The following EFL1 variants were observed in gnomAD, a reference collection of about 807,000 sequenced individuals.
EFL1 encodes the protein elongation factor-like GTPase 1.
Under a neutral mutation model 126.7 loss-of-function variants are expected in EFL1, and 76 were observed. The observed-to-expected ratio is 0.60, with a 90% confidence interval of 0.50 to 0.73. The LOEUF is 0.73. EFL1 is among the 30% of genes least tolerant of loss of function. The pLI is 0.00. For synonymous variants in EFL1, 410 were observed against 448.4 expected, an observed-to-expected ratio of 0.91 and a Z score of 1.08; for missense variants, 1,128 against 1,343.2, an observed-to-expected ratio of 0.84 and a Z score of 2.50.
In EFL1 at chr15:82,152,423, C is replaced by T. The variant is rs373644493; in HGVS notation, c.2031G>A (p.Arg677=). ...ATACACTGATATGAATCTTTGCAAA[C>T]CTACAGACAAATTCAAGAGAAATAA... ...LQRCLDDLKE[R]FAKIHISVSE... is the part of the protein sequence containing the mutation. Residue 677 remains arginine, a splice_region_variant and synonymous_variant, in exon 18 of 20, where the codon AGG becomes AGA. Coordinates refer to ENST00000268206, the MANE Select transcript of EFL1 (RefSeq NM_024580.6). 3 of 1,591,728 alleles carry T rather than the reference C, an allele frequency of 1.9e-6. No homozygotes were observed. The highest frequency in any genetic ancestry group is 2.3e-5 in the South Asian group (2 of 87,474).
At chr15:82,235,405 C>T (rs1177083682) in intron 7 of EFL1, among the ~76,000 whole-genome samples, 1 of 152,006 alleles carries the variant, frequency 6.6e-6, no homozygotes, top group African/African-American at 2.4e-5. Flanking sequence ...AAACAAAAAA[C>T]TGACATGAAA....
At chr15:82,228,828 G>A (rs2074791340) in intron 9 of EFL1, among the ~76,000 whole-genome samples, 1 of 152,000 alleles carries the variant, frequency 6.6e-6, no homozygotes, top group Non-Finnish European at 1.5e-5. Context: ...ATAAAATATT[G>A]CTATCCTGTC....
chr15:82,148,260 C>A (rs946817484), intron 18 of EFL1, among the ~76,000 whole-genome samples: 1 of 151,846 alleles, frequency 6.6e-6, no homozygotes. Flanking sequence ...CGCCTGTAGT[C>A]CCAGCTATTC....
rs763027821 is a variant in EFL1, at chr15:82,246,103, T to C, written c.245-4700A>G. ...TAGACCACGTACAGACCACTTCTGATTACATTTGGCCTCACCCGCTTTTGG... is the reference window on the plus strand; with the variant it reads ...TAGACCACGTACAGACCACTTCTGACTACATTTGGCCTCACCCGCTTTTGG... On this transcript the variant is annotated intron_variant, in intron 4 of 19. Transcript: ENST00000268206. Among the ~76,000 whole-genome samples the C allele has an allele frequency of 2.0e-4, 30 of 152,190 alleles. 1 individual carries two copies. The highest frequency in any genetic ancestry group is 1.3e-4 in the Admixed American group (2 of 15,294).
At chr15:82,261,984 A>T (rs2075126647) in intron 1 of EFL1, 187 bp from the exon 2 acceptor site, 1 of 527,850 alleles carries the variant, frequency 1.9e-6, no homozygotes, top group Non-Finnish European at 3.4e-6. Context: ...TCAGTATCCT[A>T]CCACGATTAC....
chr15:82,212,088 T>A (rs112125324), intron 15 of EFL1, among the ~76,000 whole-genome samples: 1 of 152,168 alleles, frequency 6.6e-6, no homozygotes, highest in African/African-American at 2.4e-5. Flanking sequence ...CCACCTAGGA[T>A]GTCAACCTGC....
intron 7 of EFL1, among the ~76,000 whole-genome samples, chr15:82,235,847 T>G (rs2074867389): frequency 6.6e-6 from 1 of 152,026 alleles, no homozygotes; most frequent in Non-Finnish European, 1.5e-5. Context: ...TTCTAGCCAG[T>G]GCAATCAGCA....
intron 9 of EFL1, among the ~76,000 whole-genome samples, 154 bp downstream of exon 9, chr15:82,228,880 A>C (rs2074791890): frequency 6.6e-6 from 1 of 152,312 alleles, no homozygotes; most frequent in African/African-American, 2.4e-5. Context: ...AGGCTTCTTT[A>C]AATTGCTTCC....
chr15:82,170,346 C>A (rs2074122343), intron 15 of EFL1, among the ~76,000 whole-genome samples: 1 of 151,814 alleles, frequency 6.6e-6, no homozygotes, highest in Admixed American at 6.6e-5. Context: ...GATCTCCTGA[C>A]CTCGTGATCC....
At chr15:82,207,590 G>C (rs1311446620) in intron 15 of EFL1, among the ~76,000 whole-genome samples, 1 of 151,850 alleles carries the variant, frequency 6.6e-6, no homozygotes, top group Non-Finnish European at 1.5e-5. Context: ...TTTATGTTGT[G>C]TTTTCTTACC....
At chr15:82,159,087 G>C (rs567663519) in intron 16 of EFL1, among the ~76,000 whole-genome samples, 27 of 152,312 alleles carry the variant, frequency 1.8e-4, no homozygotes, top group African/African-American at 6.3e-4. Context: ...AAGACGGAAA[G>C]TGGGATTTCA....
chr15:82,251,237 A>G (rs1410893263), intron 4 of EFL1, among the ~76,000 whole-genome samples: 2 of 152,152 alleles, frequency 1.3e-5, no homozygotes, highest in Non-Finnish European at 2.9e-5. Flanking sequence ...AAGCGTACCT[A>G]AAACAATCTG....
At chr15:82,140,785 A>G (rs899927736) in intron 18 of EFL1, among the ~76,000 whole-genome samples, 1 of 152,236 alleles carries the variant, frequency 6.6e-6, no homozygotes, top group Non-Finnish European at 1.5e-5. Context: ...CATTCATACC[A>G]GAAACCTCAT....
intron 8 of EFL1, among the ~76,000 whole-genome samples, chr15:82,230,162 T>C (rs1329524269): frequency 6.6e-6 from 1 of 152,198 alleles, no homozygotes; most frequent in Non-Finnish European, 1.5e-5. Flanking sequence ...TATATATCTA[T>C]GTAAAAAGGA....
At chr15:82,160,323 T>C (rs1458162935) in intron 16 of EFL1, among the ~76,000 whole-genome samples, 1 of 152,216 alleles carries the variant, frequency 6.6e-6, no homozygotes, top group Non-Finnish European at 1.5e-5. Flanking sequence ...AGGTGATGTA[T>C]GACTACCACT....
At chr15:82,246,223 G>T (rs1207830231) in intron 4 of EFL1, among the ~76,000 whole-genome samples, 1 of 152,030 alleles carries the variant, frequency 6.6e-6, no homozygotes, top group Non-Finnish European at 1.5e-5. Flanking sequence ...ACCTTTCAAG[G>T]CCTGCTGCGT....
At chr15:82,225,590 T>C (rs925825842) in intron 11 of EFL1, among the ~76,000 whole-genome samples, 1 of 152,218 alleles carries the variant, frequency 6.6e-6, no homozygotes, top group Admixed American at 6.5e-5. Flanking sequence ...CATTTTTCAC[T>C]GTATCAAGTA....
At chr15:82,200,126 C>T (rs2141280581) in intron 15 of EFL1, among the ~76,000 whole-genome samples, 1 of 152,228 alleles carries the variant, frequency 6.6e-6, no homozygotes, top group Middle Eastern at 3.4e-3. Flanking sequence ...AACACCTATG[C>T]ATCGGGAAAA....
intron 15 of EFL1, among the ~76,000 whole-genome samples, chr15:82,182,904 G>A (rs558196093): frequency 2.0e-5 from 3 of 152,300 alleles, no homozygotes; most frequent in African/African-American, 7.2e-5. Context: ...CAGTCAGCCA[G>A]TGAAGGCACC....
Sources: allele counts gnomAD v4.1 joint callset (sites outside exome capture counted in the v4.1 genomes callset), GRCh38; gene constraint gnomAD v4.1.1; transcripts MANE v1.5; gene names NCBI Gene and HGNC (gene_info 2026-07-23, HGNC 2026-07-21).